NISCH: variants seen among roughly 807,000 people sequenced by gnomAD.
The protein encoded by NISCH is nischarin.
Under a neutral mutation model 138.4 loss-of-function variants are expected in NISCH, and 55 were observed. The observed-to-expected ratio is 0.40, with a 90% CI of 0.32 to 0.50. The LOEUF is 0.50. Among genes scored for constraint, NISCH ranks in the 20% least tolerant of loss-of-function variants. NISCH has a pLI of 0.71. For synonymous variants in NISCH, 860 were observed against 861.5 expected (o/e 1.00, Z 0.03); for missense variants, 1,643 against 2,005.5 (o/e 0.82, Z 3.45).
At chr3:52,464,279 T>G (rs1159762318) in intron 3 of NISCH, among the ~76,000 whole-genome samples, 1 of 151,628 alleles carries the variant, frequency 6.6e-6, no homozygotes, top group Non-Finnish European at 1.5e-5. Context: ...GTGCCTGTAA[T>G]CTCAGCTCCT....
intron 3 of NISCH, among the ~76,000 whole-genome samples, chr3:52,463,103 A>G (rs539226498): frequency 2.6e-5 from 4 of 152,346 alleles, no homozygotes; most frequent in African/African-American, 9.6e-5. Flanking sequence ...ACCTGTTAGC[A>G]GGAGCTTCCC....
chr3:52,457,761 A>G (rs1706515263), intron 1 of NISCH, 82 bp from the exon 2 acceptor site: 1 of 987,412 alleles, frequency 1.0e-6, no homozygotes. Flanking sequence ...TGGGAAAGAT[A>G]ATTGCAGCTT....
chr3:52,457,801 C>G, intron 1 of NISCH, 42 bp from the exon 2 acceptor site: 1 of 1,413,166 alleles, frequency 7.1e-7, no homozygotes, highest in South Asian at 1.2e-5. Context: ...CTCCTTGTTG[C>G]TGGGCTCCCT....
At chr3:52,463,680 T>G (rs930997267) in intron 3 of NISCH, among the ~76,000 whole-genome samples, 1 of 151,830 alleles carries the variant, frequency 6.6e-6, no homozygotes, top group Non-Finnish European at 1.5e-5. Flanking sequence ...TGGTTTTAAT[T>G]TACATTTCCC....
Position 52,489,567 on chromosome 3 carries a change from C to T in NISCH, c.3345C>T (p.Thr1115=), listed in dbSNP as rs1321459942. ...CGAGTGAGCACCTCATCCAGGCCAC[C>T]TCGGAGGAGAATCAGATCCCCTCGC... ...QYPSEHLIQA[T]SEENQIPSHL... Residue 1115 remains threonine, a synonymous_variant, in exon 17 of 21, where the codon ACC becomes ACT. Transcript: ENST00000345716. 1 of 1,613,290 alleles carries T rather than the reference C, an allele frequency of 6.2e-7. No individual in the cohort carries two copies. The highest frequency in any genetic ancestry group is 8.5e-7 in the Non-Finnish European group (1 of 1,179,996).
chr3:52,472,020 T>TG (rs1344649599), intron 5 of NISCH, 43 bp downstream of exon 5: 1 of 1,533,204 alleles, frequency 6.5e-7, no homozygotes. Context: ...CCGCAGTCGG[T>TG]GGGGGTGCAA....
intron 13 of NISCH, among the ~76,000 whole-genome samples, chr3:52,483,222 G>C (rs1044467803): frequency 3.3e-5 from 5 of 152,200 alleles, no homozygotes. Context: ...CCACCTGCCT[G>C]CCTCGCTTGT....
In NISCH at chr3:52,488,595, C is replaced by T. The variant is rs758075491; in HGVS notation, c.3103C>T (p.Arg1035Cys). ...GSFADGQPAE[R>C]RASNDQRPQE... ...CTTTGCGGATGGCCAGCCTGCCGAGCGCAGGGCCAGGTGAGATCAAGCACA... is the reference window on the plus strand; with the variant it reads ...CTTTGCGGATGGCCAGCCTGCCGAGTGCAGGGCCAGGTGAGATCAAGCACA... The change falls in exon 16 of 21, where the codon CGC becomes TGC. Residue 1035 changes from arginine to cysteine, a missense_variant. Coordinates refer to ENST00000345716, the MANE Select transcript of NISCH (RefSeq NM_007184.4). 21 of 1,609,486 alleles carry T rather than the reference C, an allele frequency of 1.3e-5. No homozygotes were observed. Among genetic ancestry groups the T allele is most frequent in the Middle Eastern group, 1.7e-4 (1 of 6,060 alleles).
intron 13 of NISCH, chr3:52,481,534 C>G: frequency 1.0e-6 from 1 of 985,474 alleles, no homozygotes; most frequent in African/African-American, 1.7e-5. Context: ...TGTAGCGCAG[C>G]CAAGCGAGCC....
Position 52,489,359 on chromosome 3 carries a change from T to C in NISCH, c.3137T>C (p.Val1046Ala), listed in dbSNP as rs765196254. 6 of 1,612,804 alleles carry C rather than the reference T, an allele frequency of 3.7e-6. No individual in the cohort carries two copies. The highest frequency in any genetic ancestry group is 5.1e-6 in the Non-Finnish European group (6 of 1,179,852). ...AGCAATGACCAGCGTCCCCAGGAGG[T>C]CCCAGCAGAGGCTCTGGCCCCGGCC... ...RASNDQRPQE[V>A]PAEALAPAPA... is the part of the protein sequence containing the mutation. The change falls in exon 17 of 21, where the codon GTC becomes GCC. Residue 1046 changes from valine to alanine, a missense_variant. Coordinates refer to ENST00000345716, the MANE Select transcript of NISCH (RefSeq NM_007184.4).
chr3:52,471,553 C>T (rs1342793462), intron 4 of NISCH: 3 of 562,150 alleles, frequency 5.3e-6, no homozygotes, highest in South Asian at 2.1e-5. Context: ...TTGGTCTCGA[C>T]TCGGCCTCAC....
intron 4 of NISCH, 60 bp downstream of exon 4, chr3:52,470,967 C>A: frequency 6.4e-7 from 1 of 1,566,090 alleles, no homozygotes; most frequent in South Asian, 1.1e-5. Context: ...ATGAGGCGGC[C>A]AGAGGCACAG....
intron 19 of NISCH, 58 bp from the exon 20 acceptor site, chr3:52,491,294 G>T: frequency 6.4e-7 from 1 of 1,558,748 alleles, no homozygotes; most frequent in Non-Finnish European, 8.7e-7. Flanking sequence ...GCTCTAAGGG[G>T]CAGGGATAGG....
At position 52,470,043 on chromosome 3, in the gene NISCH, C is replaced by T. The variant is rs146310428; in HGVS notation, c.361-816C>T. On this transcript the variant is annotated intron_variant, in intron 3 of 20. Transcript: ENST00000345716. ...AAGCTGCAGTGAGCTATGGTCATAC[C>T]ATTGCACTCCAGCCTGAGTGACAGA... Among the ~76,000 whole-genome samples the T allele has an allele frequency of 5.7e-4, 86 of 150,614 alleles. 1 individual carries two copies. The highest frequency in any genetic ancestry group is 3.4e-3 in the Middle Eastern group (1 of 294).
chr3:52,481,008 C>T (rs953865193), intron 13 of NISCH: 2 of 1,404,288 alleles, frequency 1.4e-6, no homozygotes, highest in African/African-American at 1.5e-5. Context: ...AGGACGCCGC[C>T]TGCCCGGGCT....
chr3:52,488,176 G>A lies in NISCH; in HGVS notation c.2684G>A (p.Cys895Tyr). 6 of 1,613,352 alleles carry A rather than the reference G, an allele frequency of 3.7e-6. No individual in the cohort carries two copies. The highest frequency in any genetic ancestry group is 5.1e-6 in the Non-Finnish European group (6 of 1,179,962). Residue 895 changes from cysteine (C) to tyrosine (Y), a missense_variant, in exon 16 of 21, where the codon TGC (cysteine) becomes TAC (tyrosine). Physicochemically the swap from Cys to Tyr is radical, Grantham distance 194 (BLOSUM62 -2). Coordinates refer to ENST00000345716, the MANE Select transcript of NISCH (RefSeq NM_007184.4). ...TLCSAVRRSC[C>Y]APSEAVKSAA... ...TGTTCAGCCGTGCGGCGCTCCTGCT[G>A]CGCGCCCTCTGAGGCCGTCAAGTCC...
rs748022732 is a variant in NISCH, at chr3:52,487,618, AGGTGCTGT to A, written c.2133_2140del (p.Trp712ProfsTer74). Reference sequence around the variant, plus strand: ...CTGCTGGAGCACATCCGCATCCTCAAGGTGCTGTGGTGCTTCCTGATCCATGTGCAGGG... The same window carrying A: ...CTGCTGGAGCACATCCGCATCCTCAAGGTGCTTCCTGATCCATGTGCAGGG... On this transcript the variant is annotated frameshift_variant, in exon 16 of 21. Coordinates refer to ENST00000345716, the MANE Select transcript of NISCH (RefSeq NM_007184.4). LOFTEE classifies it high-confidence loss of function. This position sits in a 1 kb window ranked among gnomAD's most constrained non-coding sequence, Gnocchi z 9.1. 1 of 1,613,902 alleles carries A rather than the reference AGGTGCTGT, an allele frequency of 6.2e-7. No individual in the cohort carries two copies. The highest frequency in any genetic ancestry group is 1.3e-5 in the African/African-American group (1 of 75,034).
chr3:52,487,500 C>G lies in NISCH; in HGVS notation c.2008C>G (p.Gln670Glu), dbSNP rs1707433631. The change falls in exon 16 of 21, where the codon CAG becomes GAG. Residue 670 changes from glutamine (Q) to glutamate (E), a missense_variant. Coordinates refer to ENST00000345716, the MANE Select transcript of NISCH (RefSeq NM_007184.4). The surrounding 1 kb of genome is among the most constrained non-coding windows in gnomAD (Gnocchi z 9.1). ...PDVEEEEGGG[Q>E]GEEEEEEEED... ...CGTGGAGGAGGAGGAGGGAGGAGGCCAGGGGGAGGAAGAGGAGGAGGAAGA... is the reference window on the plus strand; with the variant it reads ...CGTGGAGGAGGAGGAGGGAGGAGGCGAGGGGGAGGAAGAGGAGGAGGAAGA... The G allele has an allele frequency of 1.2e-6, 2 of 1,601,780 alleles. No individual in the cohort carries two copies. Among genetic ancestry groups the G allele is most frequent in the Non-Finnish European group, 1.7e-6 (2 of 1,172,060 alleles).
intron 12 of NISCH, 59 bp downstream of exon 12, chr3:52,479,921 GT>G (rs907527330): frequency 2.2e-6 from 3 of 1,364,702 alleles, no homozygotes; most frequent in Non-Finnish European, 3.1e-6. Flanking sequence ...ATAGGAGCCA[GT>G]TTGGGGGGCT....
Sources: allele counts gnomAD v4.1 joint callset (sites outside exome capture counted in the v4.1 genomes callset), GRCh38; gene constraint gnomAD v4.1.1; non-coding constraint Gnocchi (gnomAD v3.1); transcripts MANE v1.5; gene names NCBI Gene and HGNC (gene_info 2026-07-23, HGNC 2026-07-21).